Variants in PSPC1 observed in about 807,000 individuals in gnomAD.
PSPC1 encodes paraspeckle protein 1.
PSPC1 carries 14 observed loss-of-function variants against 51.6 expected under a neutral mutation model. The ratio of observed to expected loss-of-function variants is 0.27; its 90% confidence interval spans 0.18 to 0.42. The LOEUF is 0.42. Ranked by LOEUF, PSPC1 falls within the 10% of genes least tolerant of loss-of-function variation. The pLI is 1.00. For missense variants in PSPC1, 406 were observed against 701.1 expected (o/e 0.58, Z 4.75); for synonymous variants, 193 against 231.9 (o/e 0.83, Z 1.53).
downstream of PSPC1, chr13:19,671,730 A>G: frequency 1.0e-6 from 1 of 1,003,774 alleles, no homozygotes; most frequent in Non-Finnish European, 1.5e-6. Context: ...ACTTGAAAAT[A>G]TTGCCAAATA....
intron 1 of PSPC1, among the ~76,000 whole-genome samples, chr13:19,776,803 G>A (rs550457043): frequency 4.6e-4 from 68 of 146,856 alleles, no homozygotes; most frequent in Non-Finnish European, 7.5e-5. Flanking sequence ...CACCGCGCCC[G>A]GCCTACTATA....
In PSPC1 at chr13:19,703,001, T is replaced by A. The variant is rs1311539197; in HGVS notation, c.*174A>T. 1 of 497,408 alleles carries A rather than the reference T, an allele frequency of 2.0e-6. No individual in the cohort carries two copies. Among genetic ancestry groups the A allele is most frequent in the African/African-American group, 2.0e-5 (1 of 51,172 alleles). The allele number at this position is 497,408 out of a possible 1,614,324, so 30.8% of individuals were successfully genotyped here. ...ATGATGAGCATCATTACCATTCTAATCTACAAAGCTCATGAATAAAGAAAA... is the reference window on the plus strand; with the variant it reads ...ATGATGAGCATCATTACCATTCTAAACTACAAAGCTCATGAATAAAGAAAA... On this transcript the variant is annotated 3_prime_UTR_variant, in exon 9 of 9. Transcript: ENST00000338910.
chr13:19,736,307 A>T (rs1884775243), intron 5 of PSPC1, among the ~76,000 whole-genome samples: 1 of 152,130 alleles, frequency 6.6e-6, no homozygotes. Context: ...ATATTGAGAT[A>T]TTTTCAGTTA....
At chr13:19,671,734 C>A, downstream of PSPC1, 1 of 1,060,408 alleles carries the variant, frequency 9.4e-7, no homozygotes, top group South Asian at 1.4e-5. Flanking sequence ...GAAAATATTG[C>A]CAAATAATAG....
intron 6 of PSPC1, among the ~76,000 whole-genome samples, chr13:19,696,948 A>G (rs1253843374): frequency 6.6e-6 from 1 of 152,222 alleles, no homozygotes; most frequent in East Asian, 1.9e-4. Flanking sequence ...TATGCATTAA[A>G]TAACACTCAA....
intron 2 of PSPC1, among the ~76,000 whole-genome samples, chr13:19,764,083 C>T (rs989983379): frequency 6.6e-6 from 1 of 151,924 alleles, no homozygotes; most frequent in Non-Finnish European, 1.5e-5. Context: ...CTTGAAAATA[C>T]TAAAATTTAA....
chr13:19,685,805 CA>C (rs1877807129), intron 6 of PSPC1, among the ~76,000 whole-genome samples: 1 of 152,206 alleles, frequency 6.6e-6, no homozygotes, highest in Non-Finnish European at 1.5e-5. Context: ...ACAATGACCT[CA>C]AGGTTAAAAA....
At chr13:19,671,531 G>T (rs1876125008), downstream of PSPC1, among the ~76,000 whole-genome samples, 1 of 152,184 alleles carries the variant, frequency 6.6e-6, no homozygotes, top group African/African-American at 2.4e-5. Flanking sequence ...GGAGCCATCT[G>T]AATCATGATC....
chr13:19,711,630 T>TC (rs1346184740), intron 6 of PSPC1, among the ~76,000 whole-genome samples: 3 of 90,192 alleles, frequency 3.3e-5, no homozygotes, highest in African/African-American at 1.3e-4. Flanking sequence ...AAAGAGAGAC[T>TC]CCGTCTCATA....
At chr13:19,682,226 T>C (rs145726837) in intron 6 of PSPC1, among the ~76,000 whole-genome samples, 3 of 152,216 alleles carry the variant, frequency 2.0e-5, no homozygotes, top group Non-Finnish European at 4.4e-5. Flanking sequence ...AAAAGTTGTA[T>C]CTTTCAGCTG....
intron 4 of PSPC1, 48 bp downstream of exon 4, chr13:19,751,223 A>T: frequency 6.8e-7 from 1 of 1,468,158 alleles, no homozygotes. Context: ...ACACACACTT[A>T]AGGGAAAAAA....
At chr13:19,730,966 A>AAAAAAC (rs1884012988) in intron 5 of PSPC1, among the ~76,000 whole-genome samples, 5 of 25,494 alleles carry the variant, frequency 2.0e-4, no homozygotes, top group East Asian at 4.7e-3. Flanking sequence ...ACAAAAAAAC[A>AAAAAAC]AAAAAAAAAA....
intron 5 of PSPC1, among the ~76,000 whole-genome samples, chr13:19,735,589 A>ACTGT (rs957092536): frequency 4.6e-5 from 7 of 152,320 alleles, no homozygotes; most frequent in Non-Finnish European, 1.0e-4. Flanking sequence ...CCCAAAATGT[A>ACTGT]CTGTCCTAGG....
intron 2 of PSPC1, among the ~76,000 whole-genome samples, chr13:19,763,609 G>A (rs1887787153): frequency 6.6e-6 from 1 of 152,180 alleles, no homozygotes; most frequent in Admixed American, 6.6e-5. Flanking sequence ...TTTCTCATCG[G>A]TAAAATGGGA....
chr13:19,781,602 C>T (rs1889974593), intron 1 of PSPC1, among the ~76,000 whole-genome samples: 1 of 152,090 alleles, frequency 6.6e-6, no homozygotes, highest in South Asian at 2.1e-4. Context: ...AACACTGTCT[C>T]ATTACTGCAG....
At chr13:19,752,595 T>A (rs931131319) in intron 3 of PSPC1, among the ~76,000 whole-genome samples, 1 of 141,790 alleles carries the variant, frequency 7.1e-6, no homozygotes, top group African/African-American at 2.5e-5. Context: ...TATTTATTTA[T>A]TTATTTTTGA....
At chr13:19,701,233 C>A (rs1879869041), downstream of PSPC1, among the ~76,000 whole-genome samples, 1 of 151,236 alleles carries the variant, frequency 6.6e-6, no homozygotes, top group African/African-American at 2.4e-5. Flanking sequence ...GGTTTAACAT[C>A]AAAGGATCAA....
At position 19,765,341 on chromosome 13, in the gene PSPC1, A is replaced by ATTATT. The variant is rs1555248065; in HGVS notation, c.675-5924_675-5923insAATAA. The stretch of plus-strand genomic sequence containing the variant: ...CCATCTCAAAAATAATAATAATAAT[A>ATTATT]ATAATTATTATTATTATTATTATTA... On this transcript the variant is annotated intron_variant, in intron 2 of 8. Coordinates refer to ENST00000338910, the MANE Select transcript of PSPC1 (RefSeq NM_001354909.2). 2.2e-3 allele frequency among the ~76,000 whole-genome samples: 294 copies of ATTATT among 132,620 alleles called. 1 individual carries two copies. The highest frequency in any genetic ancestry group is 7.7e-3 in the African/African-American group (254 of 33,156). The allele number at this position is 132,620 out of a possible 152,430, so 87.0% of individuals were successfully genotyped here.
chr13:19,702,181 G>C (rs561394893), downstream of PSPC1, among the ~76,000 whole-genome samples: 3 of 152,086 alleles, frequency 2.0e-5, no homozygotes, highest in Non-Finnish European at 2.9e-5. Context: ...GAGACAAATG[G>C]TCCTAACCCA....
Sources: gnomAD v4.1 joint callset for allele counts (sites outside exome capture counted in the v4.1 genomes callset) on GRCh38, gnomAD v4.1.1 for gene constraint, MANE v1.5 for transcripts, NCBI Gene and HGNC (gene_info 2026-07-23, HGNC 2026-07-21) for gene names.